The following ATF7 variants were observed in gnomAD, a reference collection of about 807,000 sequenced individuals.
ATF7 encodes activating transcription factor 7.
In ATF7, 10 loss-of-function variants were observed where a neutral mutation model predicts 50.4. That is an observed-to-expected ratio of 0.20 (90% confidence interval 0.12 to 0.34). The LOEUF (loss-of-function observed/expected upper bound fraction) is 0.34, where lower values mean the gene tolerates loss of function less well. Among genes scored for constraint, ATF7 ranks in the 10% least tolerant of loss-of-function variants. The pLI is 1.00. For synonymous variants in ATF7, 201 were observed against 226.4 expected, an observed-to-expected ratio of 0.89 and a Z score of 1.01; for missense variants, 465 against 613.9, an observed-to-expected ratio of 0.76 and a Z score of 2.56.
chr12:53,531,498 A>C (rs1185617897), intron 9 of ATF7, among the ~76,000 whole-genome samples: 3 of 152,094 alleles, frequency 2.0e-5, no homozygotes, highest in African/African-American at 7.2e-5. Context: ...AAAGTCTAAC[A>C]CAAGGGTGAA....
intron 9 of ATF7, chr12:53,525,052 T>G (rs1938363529): frequency 6.4e-6 from 2 of 311,574 alleles, no homozygotes; most frequent in South Asian, 1.2e-4. Flanking sequence ...TACTTTTTGT[T>G]TCTTAACAAT....
At chr12:53,550,315 C>T (rs1940255175) in intron 3 of ATF7, among the ~76,000 whole-genome samples, 1 of 135,134 alleles carries the variant, frequency 7.4e-6, no homozygotes, top group South Asian at 2.3e-4. Context: ...CAGAGTGAGA[C>T]CCTGTCTCAA....
intron 2 of ATF7, among the ~76,000 whole-genome samples, chr12:53,597,703 G>T (rs1943226497): frequency 6.6e-6 from 1 of 151,804 alleles, no homozygotes. Flanking sequence ...CAGCTACTCG[G>T]GAGGCTGAGA....
intron 2 of ATF7, among the ~76,000 whole-genome samples, chr12:53,559,989 C>T (rs1443758534): frequency 2.0e-5 from 3 of 151,038 alleles, no homozygotes; most frequent in African/African-American, 7.3e-5. Flanking sequence ...ATGGTGTGAT[C>T]TCGGCTCACC....
chr12:53,531,912 A>T lies in ATF7; in HGVS notation c.775-16T>A, dbSNP rs1405329074. The T allele has an allele frequency of 1.2e-6, 2 of 1,612,450 alleles. No individual in the cohort carries two copies. The highest frequency in any genetic ancestry group is 2.2e-5 in the South Asian group (2 of 90,914). ...CTTTCAGTCTCTGTGGGCAAAGATA[A>T]GAAAAAATGCTTGTTAAGGATCAGA... On this transcript the variant is annotated splice_polypyrimidine_tract_variant and intron_variant, in intron 8 of 11. Transcript: ENST00000420353.
At chr12:53,598,230 G>A (rs1050503504) in intron 2 of ATF7, among the ~76,000 whole-genome samples, 2 of 152,192 alleles carry the variant, frequency 1.3e-5, no homozygotes, top group African/African-American at 4.8e-5. Flanking sequence ...TTACCAGATC[G>A]TGGGAGAAAC....
chr12:53,535,390 G>T (rs942889017), intron 5 of ATF7, among the ~76,000 whole-genome samples: 1 of 151,104 alleles, frequency 6.6e-6, no homozygotes, highest in Non-Finnish European at 1.5e-5. Flanking sequence ...TGAGAAGACA[G>T]ATTTGAGAAG....
At chr12:53,586,410 TA>T (rs35090595) in intron 2 of ATF7, among the ~76,000 whole-genome samples, 56,610 of 147,368 alleles carry the variant, frequency 0.38, 11,371 homozygotes, top group East Asian at 0.87. Context: ...TGCCACCATG[TA>T]AAAAAAAAAA....
In ATF7 at chr12:53,589,605, G is replaced by A. The variant is rs200002085; in HGVS notation, c.48+11348C>T. Among the ~76,000 whole-genome samples, 11 of 152,276 alleles carry A rather than the reference G, an allele frequency of 7.2e-5. No homozygotes were observed. In the East Asian group the frequency reaches 1.5e-3, roughly 21 times the overall value. The stretch of plus-strand genomic sequence containing the variant: ...AGGCTAGTGTTCACTTTACCACAGA[G>A]TCAGTTCAGTCTGACAAGTTAGGAA... On this transcript the variant is annotated intron_variant, in intron 2 of 11. Coordinates refer to ENST00000420353, the MANE Select transcript of ATF7 (RefSeq NM_006856.3).
rs397938442 is a variant in ATF7, at chr12:53,535,328, C to CAAAAAAAAAAAAAAAAAA, written c.403-670_403-669insTTTTTTTTTTTTTTTTTT. ...CTGGCGACAGAGCGAGACTCTGCCT[C>CAAAAAAAAAAAAAAAAAA]AAAAAAAAAAAAAAAAAGAAAAGGG... On this transcript the variant is annotated intron_variant, in intron 5 of 11. Coordinates refer to ENST00000420353, the MANE Select transcript of ATF7 (RefSeq NM_006856.3). Among the ~76,000 whole-genome samples, 219 of 64,862 alleles carry CAAAAAAAAAAAAAAAAAA rather than the reference C, an allele frequency of 3.4e-3. 1 individual carries two copies. Among genetic ancestry groups the CAAAAAAAAAAAAAAAAAA allele is most frequent in the East Asian group, 0.012 (25 of 2,066 alleles). 42.6% of individuals were successfully genotyped at this position (64,862 alleles called of 152,430 possible). A position where few individuals can be genotyped will look rare whatever the true frequency, so the allele number is the denominator to read the frequency against.
chr12:53,582,787 A>G (rs965095443), intron 2 of ATF7, among the ~76,000 whole-genome samples: 18 of 151,974 alleles, frequency 1.2e-4, no homozygotes, highest in Non-Finnish European at 2.1e-4. Flanking sequence ...GGATTTCACC[A>G]TGTTGGCCAG....
At chr12:53,590,441 A>G (rs1046854598) in intron 2 of ATF7, among the ~76,000 whole-genome samples, 1 of 152,190 alleles carries the variant, frequency 6.6e-6, no homozygotes, top group African/African-American at 2.4e-5. Context: ...ATGAGACTTT[A>G]TTGTCCTCAA....
intron 4 of ATF7, among the ~76,000 whole-genome samples, chr12:53,541,564 G>A (rs1013814822): frequency 1.3e-5 from 2 of 152,030 alleles, no homozygotes; most frequent in African/African-American, 4.8e-5. Context: ...ATTATCTAGG[G>A]ATCTGAACTA....
At chr12:53,560,361 T>C (rs1389676109) in intron 2 of ATF7, among the ~76,000 whole-genome samples, 4 of 152,140 alleles carry the variant, frequency 2.6e-5, no homozygotes, top group Admixed American at 6.5e-5. Context: ...ACCTATTCTC[T>C]AGACGTATTT....
At chr12:53,544,373 C>T (rs934749412) in intron 3 of ATF7, among the ~76,000 whole-genome samples, 1 of 152,180 alleles carries the variant, frequency 6.6e-6, no homozygotes, top group African/African-American at 2.4e-5. Flanking sequence ...TCATCTCATA[C>T]CCCAAACCGC....
intron 11 of ATF7, among the ~76,000 whole-genome samples, chr12:53,518,211 G>A (rs1937848052): frequency 6.6e-6 from 1 of 152,238 alleles, no homozygotes; most frequent in African/African-American, 2.4e-5. Context: ...TGTACCACAG[G>A]TAAGTCTGAT....
At position 53,535,328 on chromosome 12, in the gene ATF7, C is replaced by CAAAAAAA. The variant is rs397938442; in HGVS notation, c.403-676_403-670dup. 5.7e-4 allele frequency among the ~76,000 whole-genome samples: 37 copies of CAAAAAAA among 64,940 alleles called. 1 individual carries two copies. In the South Asian group the frequency reaches 0.012, roughly 22 times the overall value. The allele number at this position is 64,940 out of a possible 152,430, so 42.6% of individuals were successfully genotyped here. ...CTGGCGACAGAGCGAGACTCTGCCT[C>CAAAAAAA]AAAAAAAAAAAAAAAAAGAAAAGGG... On this transcript the variant is annotated intron_variant, in intron 5 of 11. Transcript: ENST00000420353.
intron 2 of ATF7, among the ~76,000 whole-genome samples, chr12:53,584,845 G>A (rs1942600417): frequency 1.3e-5 from 2 of 152,204 alleles, no homozygotes; most frequent in South Asian, 4.1e-4. Flanking sequence ...CAAAACTACG[G>A]AGACAGTAGT....
chr12:53,579,479 G>A (rs1185306907), intron 2 of ATF7, among the ~76,000 whole-genome samples: 2 of 151,316 alleles, frequency 1.3e-5, no homozygotes, highest in Non-Finnish European at 2.9e-5. Context: ...TTGAACCCAG[G>A]AGGCAGAGGC....
Sources: gnomAD v4.1 joint callset for allele counts (sites outside exome capture counted in the v4.1 genomes callset) on GRCh38, gnomAD v4.1.1 for gene constraint, MANE v1.5 for transcripts, NCBI Gene and HGNC (gene_info 2026-07-23, HGNC 2026-07-21) for gene names.